TASP1: variants seen among roughly 807,000 people sequenced by gnomAD.
TASP1 encodes the protein taspase 1.
A neutral mutation model predicts 56.6 loss-of-function variants in TASP1; 16 were observed. That is an observed-to-expected ratio of 0.28 (90% CI 0.19 to 0.43). TASP1 has a LOEUF of 0.43. Ranked by LOEUF, TASP1 falls within the 20% of genes least tolerant of loss-of-function variation. The pLI is 1.00. For missense variants in TASP1, 393 were observed against 511.6 expected, an observed-to-expected ratio of 0.77 and a Z score of 2.24; for synonymous variants, 179 against 184.2, an observed-to-expected ratio of 0.97 and a Z score of 0.23.
the TASP1 span, among the ~76,000 whole-genome samples, chr20:13,219,606 A>C: frequency 6.6e-5 from 10 of 152,154 alleles, no homozygotes; most frequent in Non-Finnish European, 1.3e-4. Context: ...ACCCAAAAAA[A>C]AATAATGAAA....
chr20:13,273,697 T>A, the TASP1 span, among the ~76,000 whole-genome samples: 5 of 152,322 alleles, frequency 3.3e-5, no homozygotes, highest in South Asian at 2.1e-4. Context: ...GATGTGAATG[T>A]TATTGGCCAA....
chr20:13,269,442 G>A, the TASP1 span, among the ~76,000 whole-genome samples: 1 of 152,210 alleles, frequency 6.6e-6, no homozygotes, highest in Admixed American at 6.5e-5. Context: ...ATTTCAGAAT[G>A]CCTTTTCGTG....
chr20:13,520,324 A>G (rs1568539600), intron 10 of TASP1, among the ~76,000 whole-genome samples: 1 of 152,192 alleles, frequency 6.6e-6, no homozygotes, highest in Non-Finnish European at 1.5e-5. Context: ...AGTCAATCCT[A>G]AGCCAAAAGA....
At chr20:13,504,147 T>G (rs1450946196) in intron 10 of TASP1, among the ~76,000 whole-genome samples, 1 of 152,056 alleles carries the variant, frequency 6.6e-6, no homozygotes, top group Non-Finnish European at 1.5e-5. Flanking sequence ...TTCATCAAGA[T>G]ACATTATTAT....
At chr20:13,623,257 G>A (rs6109979) in intron 4 of TASP1, among the ~76,000 whole-genome samples, 189 bp downstream of exon 4, 52,171 of 151,806 alleles carry the variant, frequency 0.34, 11,466 homozygotes, top group African/African-American at 0.63. Context: ...AATTTAACCA[G>A]CTTTTATATT....
At chr20:13,457,663 A>G (rs1275980567) in intron 11 of TASP1, among the ~76,000 whole-genome samples, 1 of 152,142 alleles carries the variant, frequency 6.6e-6, no homozygotes, top group Non-Finnish European at 1.5e-5. Flanking sequence ...TTTCTTAAAT[A>G]GTCATTAATC....
At chr20:13,246,282 A>T in the TASP1 span, among the ~76,000 whole-genome samples, 83 of 152,050 alleles carry the variant, frequency 5.5e-4, no homozygotes, top group Non-Finnish European at 1.5e-4. Context: ...CAAAAAAAAA[A>T]AAAAAGCTTT....
chr20:13,255,572 G>C, the TASP1 span, among the ~76,000 whole-genome samples: 8 of 152,204 alleles, frequency 5.3e-5, no homozygotes, highest in South Asian at 2.1e-4. Context: ...ATGCATAGGA[G>C]TTTTCTATGT....
At chr20:13,402,054 A>T (rs757275481) in intron 13 of TASP1, among the ~76,000 whole-genome samples, 1 of 152,186 alleles carries the variant, frequency 6.6e-6, no homozygotes, top group Non-Finnish European at 1.5e-5. Context: ...CAAGTCAAGT[A>T]ATAGATTAAA....
At chr20:13,279,689 C>A in the TASP1 span, 2 of 1,613,958 alleles carry the variant, frequency 1.2e-6, no homozygotes, top group African/African-American at 1.3e-5. Flanking sequence ...GATCAGCATC[C>A]GGAGAATAAG....
chr20:13,217,816 T>C, the TASP1 span, among the ~76,000 whole-genome samples: 2 of 152,230 alleles, frequency 1.3e-5, no homozygotes, highest in South Asian at 4.1e-4. Flanking sequence ...TGTGCAAACA[T>C]CCCTACATCA....
the TASP1 span, among the ~76,000 whole-genome samples, chr20:13,140,066 G>A: frequency 6.6e-6 from 1 of 152,080 alleles, no homozygotes; most frequent in Non-Finnish European, 1.5e-5. Flanking sequence ...AGACCCTGAA[G>A]ATAATAATTC....
the TASP1 span, among the ~76,000 whole-genome samples, chr20:13,369,974 C>T: frequency 2.6e-5 from 4 of 152,118 alleles, no homozygotes; most frequent in African/African-American, 2.4e-5. Context: ...GACTAACTAG[C>T]GACCCTGGGA....
At chr20:13,153,955 C>A in the TASP1 span, 1 of 1,603,320 alleles carries the variant, frequency 6.2e-7, no homozygotes, top group Non-Finnish European at 8.5e-7. Flanking sequence ...ACCTTTACTT[C>A]CCTCTTTCTA....
At chr20:13,158,124 G>A in the TASP1 span, among the ~76,000 whole-genome samples, 1 of 152,146 alleles carries the variant, frequency 6.6e-6, no homozygotes, top group Non-Finnish European at 1.5e-5. Context: ...CCCTGTTCAT[G>A]TAATACACTT....
the TASP1 span, among the ~76,000 whole-genome samples, chr20:13,318,999 G>T: frequency 6.6e-6 from 1 of 152,124 alleles, no homozygotes; most frequent in Non-Finnish European, 1.5e-5. Context: ...ACAACAGCAC[G>T]AGTGAACCCT....
intron 1 of TASP1, among the ~76,000 whole-genome samples, 157 bp downstream of exon 1, chr20:13,638,737 C>T (rs967595938): frequency 5.9e-5 from 9 of 152,216 alleles, no homozygotes; most frequent in African/African-American, 2.2e-4. Context: ...ACATCCTGGC[C>T]CCCTCCTCTA....
the TASP1 span, among the ~76,000 whole-genome samples, chr20:13,363,737 A>G: frequency 6.6e-6 from 1 of 152,242 alleles, no homozygotes; most frequent in Non-Finnish European, 1.5e-5. Flanking sequence ...GAGTTAAATT[A>G]CAGGACACCT....
intron 12 of TASP1, among the ~76,000 whole-genome samples, chr20:13,418,132 G>A (rs1161869470): frequency 5.9e-5 from 9 of 152,146 alleles, no homozygotes; most frequent in East Asian, 5.8e-4. Context: ...GGCTGGTCTC[G>A]AACTCCTGAC....
Sources: gnomAD v4.1 joint callset for allele counts (sites outside exome capture counted in the v4.1 genomes callset) on GRCh38, gnomAD v4.1.1 for gene constraint, MANE v1.5 for transcripts, NCBI Gene and HGNC (gene_info 2026-07-23, HGNC 2026-07-21) for gene names.